MYMX: variants seen among roughly 807,000 people sequenced by gnomAD.
MYMX encodes myomixer, myoblast fusion factor, also known as protein myomixer.
the MYMX span, among the ~76,000 whole-genome samples, chr6:44,198,356 G>C: frequency 6.6e-6 from 1 of 151,320 alleles, no homozygotes. Context: ...TAGTAGAGAT[G>C]GGGTTTCACC....
the MYMX span, among the ~76,000 whole-genome samples, chr6:44,194,599 G>T: frequency 6.6e-6 from 1 of 152,200 alleles, no homozygotes; most frequent in East Asian, 1.9e-4. Context: ...CCTGCCTACG[G>T]GGGCTGGAGA....
upstream of MYMX, among the ~76,000 whole-genome samples, chr6:44,212,662 T>A (rs1039451227): frequency 1.3e-5 from 2 of 151,700 alleles, no homozygotes; most frequent in African/African-American, 2.4e-5. Flanking sequence ...ATAGTCAAAC[T>A]GACTAAAATT....
chr6:44,205,988 AAAAACAAAAC>A, the MYMX span, among the ~76,000 whole-genome samples: 772 of 143,440 alleles, frequency 5.4e-3, 59 homozygotes, highest in South Asian at 0.015. Flanking sequence ...TCAAAAAAAA[AAAAACAAAAC>A]AAAAAAAAAC....
At chr6:44,210,271 ATGTTTTGTTT>A in the MYMX span, among the ~76,000 whole-genome samples, 4 of 148,794 alleles carry the variant, frequency 2.7e-5, no homozygotes, top group Non-Finnish European at 5.9e-5. Flanking sequence ...AACAGTAATC[ATGTTTTGTTT>A]TGTTTTGTTT....
the MYMX span, among the ~76,000 whole-genome samples, chr6:44,192,724 G>A: frequency 6.6e-6 from 1 of 152,116 alleles, no homozygotes; most frequent in East Asian, 1.9e-4. Context: ...TCGGGTTAAA[G>A]CTCCACCCTC....
At chr6:44,196,543 G>T in the MYMX span, among the ~76,000 whole-genome samples, 6 of 151,970 alleles carry the variant, frequency 3.9e-5, no homozygotes, top group Admixed American at 2.0e-4. Flanking sequence ...GCTGGGCGTG[G>T]CGATGCACAC....
the MYMX span, chr6:44,210,062 C>T: frequency 8.2e-5 from 12 of 147,100 alleles, no homozygotes; most frequent in African/African-American, 3.0e-4. Context: ...TCTCCTGCCT[C>T]AGCCTCCCGA....
At chr6:44,209,187 C>T in the MYMX span, among the ~76,000 whole-genome samples, 1 of 152,130 alleles carries the variant, frequency 6.6e-6, no homozygotes, top group Non-Finnish European at 1.5e-5. Context: ...TGATCTTGAA[C>T]TCCTAAGCTC....
At chr6:44,200,106 T>C in the MYMX span, among the ~76,000 whole-genome samples, 2 of 151,896 alleles carry the variant, frequency 1.3e-5, no homozygotes, top group African/African-American at 4.8e-5. Flanking sequence ...AGGTCAAGGC[T>C]ACAGTGAGCT....
the MYMX span, among the ~76,000 whole-genome samples, chr6:44,211,367 GGT>G: frequency 1.3e-5 from 2 of 151,992 alleles, no homozygotes; most frequent in Non-Finnish European, 2.9e-5. Flanking sequence ...AAACTTATAA[GGT>G]ATAAGAATTT....
chr6:44,212,860 CAA>C (rs138470528), upstream of MYMX, among the ~76,000 whole-genome samples: 5 of 84,014 alleles, frequency 6.0e-5, no homozygotes, highest in Non-Finnish European at 7.1e-5. Flanking sequence ...CTTGTCTCTC[CAA>C]AAAAAAAAAA....
the MYMX span, among the ~76,000 whole-genome samples, chr6:44,199,646 G>T: frequency 1.3e-5 from 2 of 151,466 alleles, no homozygotes; most frequent in Non-Finnish European, 2.9e-5. Context: ...GTGGATTCTT[G>T]GTCAGAGTTG....
At chr6:44,198,194 G>A in the MYMX span, among the ~76,000 whole-genome samples, 3 of 109,336 alleles carry the variant, frequency 2.7e-5, no homozygotes, top group South Asian at 8.9e-4. Flanking sequence ...ATAGAGTCTC[G>A]CTCTGTCACC....
At chr6:44,211,788 TTGTGTGTG>T in the MYMX span, among the ~76,000 whole-genome samples, 426 of 126,430 alleles carry the variant, frequency 3.4e-3, 2 homozygotes, top group African/African-American at 0.012. Context: ...CAGCTAGGTT[TTGTGTGTG>T]TGTGTGTGTG....
At chr6:44,217,395 G>C (rs1775938884) in intron 1 of MYMX, 55 bp from the exon 2 acceptor site, 7 of 398,418 alleles carry the variant, frequency 1.8e-5, no homozygotes, top group Admixed American at 4.4e-5. Flanking sequence ...CCATGTCCTT[G>C]CCAGGTGAGG....
At chr6:44,215,907 T>C (rs1775838623), upstream of MYMX, among the ~76,000 whole-genome samples, 1 of 151,938 alleles carries the variant, frequency 6.6e-6, no homozygotes, top group Non-Finnish European at 1.5e-5. Context: ...ATAATAATAA[T>C]AATAAATAAA....
the MYMX span, among the ~76,000 whole-genome samples, chr6:44,196,067 T>C: frequency 1.3e-5 from 2 of 152,252 alleles, no homozygotes; most frequent in East Asian, 1.9e-4. Flanking sequence ...CTCAGCCTCC[T>C]GAGTAGCTGG....
chr6:44,196,181 C>T, the MYMX span, among the ~76,000 whole-genome samples: 1 of 152,114 alleles, frequency 6.6e-6, no homozygotes. Flanking sequence ...GCCTCGGCCT[C>T]TCAAAGTGCT....
chr6:44,207,555 G>A, the MYMX span, among the ~76,000 whole-genome samples: 1 of 150,370 alleles, frequency 6.7e-6, no homozygotes, highest in Non-Finnish European at 1.5e-5. Context: ...TTTTTTTTTA[G>A]GAGTTTCACT....
Sources: allele counts gnomAD v4.1 joint callset (sites outside exome capture counted in the v4.1 genomes callset), GRCh38; gene constraint gnomAD v4.1.1; transcripts MANE v1.5; gene names NCBI Gene and HGNC (gene_info 2026-07-23, HGNC 2026-07-21).